Variants in NEK10 observed in about 807,000 individuals in gnomAD.
NEK10 encodes NIMA related kinase 10, also known as serine/threonine-protein kinase Nek10.
A neutral mutation model predicts 159.8 loss-of-function variants in NEK10; 122 were observed. The observed-to-expected ratio is 0.76, with a 90% CI of 0.66 to 0.89. The LOEUF (loss-of-function observed/expected upper bound fraction) is 0.89, where lower values mean the gene tolerates loss of function less well. Ranked by LOEUF, NEK10 falls within the 40% of genes least tolerant of loss-of-function variation. The pLI is 0.00. For missense variants in NEK10, 1,342 were observed against 1,323.1 expected (o/e 1.01, Z -0.22); for synonymous variants, 466 against 457.1 (o/e 1.02, Z -0.25).
chr3:27,305,048 A>T, intron 11 of NEK10, 77 bp from the exon 12 acceptor site: 3 of 861,940 alleles, frequency 3.5e-6, no homozygotes, highest in South Asian at 3.0e-5. Flanking sequence ...TAAAGCTATC[A>T]TCAGTGCATG....
intron 1 of NEK10, among the ~76,000 whole-genome samples, chr3:27,362,331 G>T (rs2048747864): frequency 6.6e-6 from 1 of 152,174 alleles, no homozygotes; most frequent in Admixed American, 6.5e-5. Context: ...CTGCAAGCCA[G>T]CTTACGGAAC....
At chr3:27,160,638 G>A (rs1945929745) in intron 30 of NEK10, among the ~76,000 whole-genome samples, 1 of 152,128 alleles carries the variant, frequency 6.6e-6, no homozygotes, top group South Asian at 2.1e-4. Flanking sequence ...AGGAGTGGTG[G>A]CTCACATCTG....
chr3:27,189,823 T>C (rs889319859), intron 26 of NEK10, among the ~76,000 whole-genome samples: 3 of 152,158 alleles, frequency 2.0e-5, no homozygotes, highest in African/African-American at 4.8e-5. Flanking sequence ...GAGAAAGTAC[T>C]GTATGACTAT....
At chr3:27,358,964 G>A (rs2048496935) in intron 1 of NEK10, among the ~76,000 whole-genome samples, 1 of 152,092 alleles carries the variant, frequency 6.6e-6, no homozygotes, top group South Asian at 2.1e-4. Flanking sequence ...CAACACTTTG[G>A]GAGGCCAAGG....
At chr3:27,339,184 G>C (rs2047026494) in intron 5 of NEK10, among the ~76,000 whole-genome samples, 1 of 152,112 alleles carries the variant, frequency 6.6e-6, no homozygotes, top group Non-Finnish European at 1.5e-5. Flanking sequence ...AAGCTCTTTA[G>C]TTTAATTAGA....
intron 22 of NEK10, among the ~76,000 whole-genome samples, chr3:27,282,024 T>C (rs1327202474): frequency 6.6e-6 from 1 of 152,128 alleles, no homozygotes; most frequent in African/African-American, 2.4e-5. Context: ...TGAGAAAGGA[T>C]AGGTAATCAA....
intron 32 of NEK10, among the ~76,000 whole-genome samples, chr3:27,127,304 T>C (rs1037808023): frequency 3.3e-5 from 5 of 152,172 alleles, no homozygotes; most frequent in African/African-American, 1.2e-4. Flanking sequence ...TTATCCCACC[T>C]AAGAGGTTAT....
intron 30 of NEK10, among the ~76,000 whole-genome samples, chr3:27,155,481 A>G (rs1313457586): frequency 2.6e-5 from 4 of 151,518 alleles, no homozygotes; most frequent in African/African-American, 9.7e-5. Flanking sequence ...CAGCCTGGCA[A>G]CAGAGTGAGA....
intron 23 of NEK10, among the ~76,000 whole-genome samples, chr3:27,239,786 G>A (rs1014499787): frequency 6.6e-6 from 1 of 152,148 alleles, no homozygotes; most frequent in African/African-American, 2.4e-5. Flanking sequence ...GTTGGGTAGT[G>A]ACCATTTGCT....
At chr3:27,180,528 A>G (rs1221217255) in intron 26 of NEK10, among the ~76,000 whole-genome samples, 1 of 152,216 alleles carries the variant, frequency 6.6e-6, no homozygotes, top group Non-Finnish European at 1.5e-5. Context: ...TTCTCAAAAA[A>G]ACAATGTCAT....
At chr3:27,237,094 C>T (rs756425453) in intron 23 of NEK10, among the ~76,000 whole-genome samples, 1 of 152,126 alleles carries the variant, frequency 6.6e-6, no homozygotes, top group Non-Finnish European at 1.5e-5. Flanking sequence ...CGATATCTCT[C>T]CTACTTGCAT....
At chr3:27,156,331 T>A (rs568409551) in intron 30 of NEK10, among the ~76,000 whole-genome samples, 7 of 152,006 alleles carry the variant, frequency 4.6e-5, no homozygotes, top group Non-Finnish European at 7.4e-5. Context: ...AGCTTTTGCA[T>A]GGCAAAAGGA....
intron 5 of NEK10, among the ~76,000 whole-genome samples, chr3:27,337,126 G>A (rs1418119341): frequency 6.6e-6 from 1 of 152,028 alleles, no homozygotes; most frequent in Non-Finnish European, 1.5e-5. Context: ...CAGTAAAGTT[G>A]CAGGATACAA....
chr3:27,142,295 A>G (rs986462149), intron 30 of NEK10, among the ~76,000 whole-genome samples: 1 of 152,180 alleles, frequency 6.6e-6, no homozygotes, highest in Non-Finnish European at 1.5e-5. Context: ...CTATAAAACT[A>G]TTTAAAGGAA....
chr3:27,138,758 T>C (rs754979162), intron 31 of NEK10, among the ~76,000 whole-genome samples: 6 of 152,162 alleles, frequency 3.9e-5, no homozygotes, highest in Admixed American at 1.3e-4. Flanking sequence ...CCTTTGCTTG[T>C]TGCCAATAGG....
At chr3:27,346,247 G>A in intron 3 of NEK10, 31 bp from the exon 4 acceptor site, 2 of 1,612,022 alleles carry the variant, frequency 1.2e-6, no homozygotes, top group Non-Finnish European at 8.5e-7. Context: ...AGTACATGAG[G>A]ATCACAATTC....
chr3:27,126,915 T>C (rs1186502053), intron 32 of NEK10, among the ~76,000 whole-genome samples: 1 of 152,120 alleles, frequency 6.6e-6, no homozygotes, highest in Admixed American at 6.6e-5. Context: ...GAAAATAACC[T>C]GTCCAATTCT....
chr3:27,187,388 C>A (rs1006679973), intron 26 of NEK10, among the ~76,000 whole-genome samples: 1 of 152,160 alleles, frequency 6.6e-6, no homozygotes, highest in Non-Finnish European at 1.5e-5. Flanking sequence ...CTGCTACCAG[C>A]ACAAACAGGG....
intron 23 of NEK10, among the ~76,000 whole-genome samples, chr3:27,226,167 G>A (rs1425837700): frequency 6.6e-6 from 1 of 150,750 alleles, no homozygotes; most frequent in East Asian, 1.9e-4. Context: ...GAGTAGCTAG[G>A]ACTACAGGCG....
Sources: gnomAD v4.1 joint callset for allele counts (sites outside exome capture counted in the v4.1 genomes callset) on GRCh38, gnomAD v4.1.1 for gene constraint, MANE v1.5 for transcripts, NCBI Gene and HGNC (gene_info 2026-07-23, HGNC 2026-07-21) for gene names.